SEMA3C: variants seen among roughly 807,000 people sequenced by gnomAD.
SEMA3C encodes the protein semaphorin 3C.
A neutral mutation model predicts 89.4 loss-of-function variants in SEMA3C; 47 were observed. The ratio of observed to expected loss-of-function variants is 0.53; its 90% CI spans 0.42 to 0.67. The LOEUF (loss-of-function observed/expected upper bound fraction) is 0.67. Ranked by LOEUF, SEMA3C falls within the 30% of genes least tolerant of loss-of-function variation. The pLI, the probability that SEMA3C is intolerant of heterozygous loss-of-function variation, is 0.00. For synonymous variants in SEMA3C, 310 were observed against 320.2 expected, an observed-to-expected ratio of 0.97 and a Z score of 0.34; for missense variants, 839 against 929.1, an observed-to-expected ratio of 0.90 and a Z score of 1.26.
intron 2 of SEMA3C, chr7:80,905,881 C>A: frequency 7.0e-6 from 9 of 1,289,618 alleles, no homozygotes; most frequent in Non-Finnish European, 8.1e-6. Flanking sequence ...TTTTTGTACC[C>A]ACAGATGTAG....
At chr7:80,891,522 T>C (rs1329578586) in intron 2 of SEMA3C, among the ~76,000 whole-genome samples, 1 of 151,150 alleles carries the variant, frequency 6.6e-6, no homozygotes, top group Non-Finnish European at 1.5e-5. Context: ...ATCAGAATGG[T>C]AACAAAAAAA....
intron 10 of SEMA3C, 58 bp downstream of exon 10, chr7:80,800,699 A>G: frequency 2.0e-6 from 2 of 1,005,110 alleles, no homozygotes; most frequent in African/African-American, 1.7e-5. Flanking sequence ...TATAATAATT[A>G]CTGTTACTCC....
intron 11 of SEMA3C, among the ~76,000 whole-genome samples, chr7:80,794,523 C>T (rs1789016957): frequency 6.6e-6 from 1 of 152,032 alleles, no homozygotes; most frequent in Non-Finnish European, 1.5e-5. Flanking sequence ...AACAAAACTG[C>T]CAACAATGAA....
chr7:80,899,019 C>CA (rs775671162), intron 2 of SEMA3C, among the ~76,000 whole-genome samples: 1 of 152,112 alleles, frequency 6.6e-6, no homozygotes, highest in East Asian at 1.9e-4. Flanking sequence ...ACTAAATAAA[C>CA]ATTCTTATGT....
chr7:80,746,983 T>TA (rs1302857609), intron 17 of SEMA3C, among the ~76,000 whole-genome samples: 1 of 150,210 alleles, frequency 6.7e-6, no homozygotes, highest in African/African-American at 2.4e-5. Context: ...TTGTCTTACT[T>TA]AAAAAAATGA....
chr7:80,746,828 T>C (rs1038879992), intron 17 of SEMA3C, among the ~76,000 whole-genome samples: 7 of 151,598 alleles, frequency 4.6e-5, no homozygotes, highest in Non-Finnish European at 1.0e-4. Flanking sequence ...GAATAAAAAC[T>C]GAGTAAGTTT....
chr7:80,792,132 A>G (rs1788958423), intron 11 of SEMA3C, among the ~76,000 whole-genome samples: 1 of 152,204 alleles, frequency 6.6e-6, no homozygotes, highest in Admixed American at 6.5e-5. Context: ...TATTTTTTAA[A>G]AAGTATTATA....
chr7:80,784,710 G>A (rs191274902), intron 12 of SEMA3C, among the ~76,000 whole-genome samples: 1 of 152,148 alleles, frequency 6.6e-6, no homozygotes, highest in Admixed American at 6.5e-5. Context: ...TACAAAGGCA[G>A]CCACAGATGA....
intron 17 of SEMA3C, among the ~76,000 whole-genome samples, chr7:80,746,797 G>A (rs961401662): frequency 6.7e-6 from 1 of 149,548 alleles, no homozygotes; most frequent in African/African-American, 2.5e-5. Context: ...TAACTCTTGG[G>A]AACCTTACTC....
Position 80,744,215 on chromosome 7 carries a change from T to C in SEMA3C, c.*679A>G, listed in dbSNP as rs1341237422. On this transcript the variant is annotated 3_prime_UTR_variant, in exon 18 of 18. Coordinates refer to ENST00000265361, the MANE Select transcript of SEMA3C (RefSeq NM_006379.5). ...TATAAACCAAACTGCTTCACTGATATAACTCCCACCAAATATCTTCATGGG... is the reference window on the plus strand; with the variant it reads ...TATAAACCAAACTGCTTCACTGATACAACTCCCACCAAATATCTTCATGGG... 2 of 152,144 alleles carry C rather than the reference T, an allele frequency of 1.3e-5. No individual in the cohort carries two copies. Among genetic ancestry groups the C allele is most frequent in the African/African-American group, 4.8e-5 (2 of 41,426 alleles). The allele number at this position is 152,144 out of a possible 1,614,324, so 9.4% of individuals were successfully genotyped here.
intron 12 of SEMA3C, among the ~76,000 whole-genome samples, chr7:80,787,341 G>A (rs573147337): frequency 2.7e-5 from 4 of 147,756 alleles, no homozygotes; most frequent in South Asian, 2.2e-4. Context: ...GCAGTGAGCC[G>A]AGATCGTGCC....
chr7:80,745,008 C>T lies in SEMA3C; in HGVS notation c.2142G>A (p.Gln714=), dbSNP rs867398493. 1 of 1,614,090 alleles carries T rather than the reference C, an allele frequency of 6.2e-7. No homozygotes were observed. Among genetic ancestry groups the T allele is most frequent in the Middle Eastern group, 1.6e-4 (1 of 6,062 alleles). ...GTGATTCATCTCCCTGCTGATGTTGCTGCCGAGTGTCTTTGCAATATTGGT... is the reference window on the plus strand; with the variant it reads ...GTGATTCATCTCCCTGCTGATGTTGTTGCCGAGTGTCTTTGCAATATTGGT... ...MINQYCKDTR[Q]QHQQGDESQK... The change falls in exon 18 of 18, where the codon CAG becomes CAA. Residue 714 remains glutamine (Q), a synonymous_variant. Coordinates refer to ENST00000265361, the MANE Select transcript of SEMA3C (RefSeq NM_006379.5).
intron 10 of SEMA3C, among the ~76,000 whole-genome samples, chr7:80,799,471 C>T (rs989671034): frequency 2.6e-5 from 4 of 152,076 alleles, no homozygotes; most frequent in Admixed American, 2.6e-4. Context: ...GAAATACGTA[C>T]TTTAATTAGC....
At position 80,764,565 on chromosome 7, in the gene SEMA3C, T is replaced by C. The variant is rs111761391; in HGVS notation, c.1443+590A>G. On this transcript the variant is annotated intron_variant, in intron 13 of 17. Coordinates refer to ENST00000265361, the MANE Select transcript of SEMA3C (RefSeq NM_006379.5). ...AGTACTGAACTTCCCTTGTGTATGT[T>C]TTTTTTTCTGTCCTTTTTTTCTTTT... Among the ~76,000 whole-genome samples the C allele has an allele frequency of 5.6e-3, 847 of 151,798 alleles. 6 individuals carry two copies. The highest frequency in any genetic ancestry group is 9.8e-3 in the South Asian group (47 of 4,802).
At chr7:80,762,450 C>G (rs1583853313) in intron 13 of SEMA3C, among the ~76,000 whole-genome samples, 1 of 152,214 alleles carries the variant, frequency 6.6e-6, no homozygotes, top group South Asian at 2.1e-4. Flanking sequence ...TAAGAATTTT[C>G]TGGAATAGTA....
At chr7:80,792,756 C>T (rs960334003) in intron 11 of SEMA3C, among the ~76,000 whole-genome samples, 1 of 152,118 alleles carries the variant, frequency 6.6e-6, no homozygotes. Flanking sequence ...TTCAAACTTA[C>T]CAAACAATTC....
intron 12 of SEMA3C, among the ~76,000 whole-genome samples, chr7:80,776,930 C>T (rs73137717): frequency 0.11 from 16,879 of 151,906 alleles, 1,042 homozygotes; most frequent in Non-Finnish European, 0.14. Context: ...ATTCCAAATA[C>T]TTATTAAATG....
chr7:80,765,802 C>T (rs1788287835), intron 12 of SEMA3C, among the ~76,000 whole-genome samples: 1 of 152,110 alleles, frequency 6.6e-6, no homozygotes, highest in African/African-American at 2.4e-5. Context: ...TGGTCTCAAT[C>T]TCCTGATCTC....
At chr7:80,852,766 C>T (rs1790544278) in intron 2 of SEMA3C, among the ~76,000 whole-genome samples, 1 of 151,378 alleles carries the variant, frequency 6.6e-6, no homozygotes. Context: ...GCAAGCTCCG[C>T]CTCCTGGGTT....
Sources: allele counts gnomAD v4.1 joint callset (sites outside exome capture counted in the v4.1 genomes callset), GRCh38; gene constraint gnomAD v4.1.1; transcripts MANE v1.5; gene names NCBI Gene and HGNC (gene_info 2026-07-23, HGNC 2026-07-21).